Variants in PLA2G4E observed in about 807,000 individuals in gnomAD.
PLA2G4E encodes the protein cytosolic phospholipase A2 epsilon.
A neutral mutation model predicts 109.1 loss-of-function variants in PLA2G4E; 84 were observed. That is an observed-to-expected ratio of 0.77 (90% CI 0.65 to 0.92). The LOEUF (loss-of-function observed/expected upper bound fraction) is 0.92. Among genes scored for constraint, PLA2G4E ranks in the 40% least tolerant of loss-of-function variants. PLA2G4E has a pLI of 0.00. For missense variants in PLA2G4E, 1,057 were observed against 1,076.6 expected (o/e 0.98, Z 0.25); for synonymous variants, 469 against 436.1 (o/e 1.08, Z -0.94).
chr15:42,015,979 G>A (rs1483530381), intron 1 of PLA2G4E, among the ~76,000 whole-genome samples: 3 of 152,138 alleles, frequency 2.0e-5, no homozygotes, highest in Non-Finnish European at 4.4e-5. Context: ...AAGAGTTTTT[G>A]TTGTCGTCCA....
At chr15:41,999,877 G>C (rs938152203) in intron 9 of PLA2G4E, 40 bp downstream of exon 9, 49 of 1,552,570 alleles carry the variant, frequency 3.2e-5, no homozygotes, top group Non-Finnish European at 4.1e-5. Context: ...GAGCTCCAGG[G>C]GAAGTAAGTC....
At position 41,999,591 on chromosome 15, in the gene PLA2G4E, G is replaced by A; in HGVS notation, c.937-30C>T. 1.9e-6 allele frequency: 3 copies of A among 1,608,678 alleles called. No homozygotes were observed. The South Asian group carries it at 3.3e-5, about 18-fold the overall frequency. ...GGAGGGAAAGATGAAAAGCTTGTCA[G>A]AGGTGACAATTCAGAGCCAAGTGAT... On this transcript the variant is annotated intron_variant, in intron 9 of 19. Transcript: ENST00000399518.
rs540368176 is a variant in PLA2G4E, at chr15:42,046,911, A to G, written c.183+3610T>C. Among the ~76,000 whole-genome samples the G allele has an allele frequency of 2.0e-5, 3 of 152,294 alleles. No individual in the cohort carries two copies. In the East Asian group the frequency reaches 5.8e-4, roughly 29 times the overall value. On this transcript the variant is annotated intron_variant, in intron 1 of 19. Coordinates refer to ENST00000399518, the Ensembl canonical transcript of PLA2G4E. Reference sequence around the variant, plus strand: ...AATCTGATAAGCTGATATTTGCTTTAGGGTTACTGGATGACAATATGCTAC... The same window carrying G: ...AATCTGATAAGCTGATATTTGCTTTGGGGTTACTGGATGACAATATGCTAC...
At chr15:41,984,292 G>A (rs77513142) in intron 19 of PLA2G4E, 144 bp downstream of exon 19, 38 of 819,496 alleles carry the variant, frequency 4.6e-5, no homozygotes, top group African/African-American at 1.0e-4. Flanking sequence ...AATGGGAGGC[G>A]CCCTTCTTTG....
In PLA2G4E at chr15:41,995,395, A is replaced by T. The variant is rs1384628276; in HGVS notation, c.1212T>A (p.Cys404Ter). ...CTGATAGACCGGTGATGTAGCTGGCACAGTCCAGGAGGTTCAGCTTCTGCA... is the reference window on the plus strand; with the variant it reads ...CTGATAGACCGGTGATGTAGCTGGCTCAGTCCAGGAGGTTCAGCTTCTGCA... Residue 404 changes from cysteine to a stop codon, truncating the protein, a stop_gained, in exon 12 of 20, where the codon TGT becomes TGA. Coordinates refer to ENST00000399518, the Ensembl canonical transcript of PLA2G4E. LOFTEE classifies it high-confidence loss of function. 2 of 1,613,636 alleles carry T rather than the reference A, an allele frequency of 1.2e-6. No homozygotes were observed. Among genetic ancestry groups the T allele is most frequent in the Non-Finnish European group, 1.7e-6 (2 of 1,179,590 alleles).
At chr15:42,047,490 G>C (rs1889435477) in intron 1 of PLA2G4E, among the ~76,000 whole-genome samples, 1 of 152,200 alleles carries the variant, frequency 6.6e-6, no homozygotes, top group East Asian at 1.9e-4. Flanking sequence ...GAGGGCAGCA[G>C]CCTCATGACC....
At chr15:42,050,634 T>A in exon 1 of PLA2G4E, 1 of 1,550,626 alleles carries the variant, frequency 6.4e-7, no homozygotes, top group Non-Finnish European at 8.7e-7. Flanking sequence ...TCTTCATCCG[T>A]TTGTGGGCTC....
At chr15:42,012,514 G>A (rs553669957) in intron 2 of PLA2G4E, among the ~76,000 whole-genome samples, 1 of 152,266 alleles carries the variant, frequency 6.6e-6, no homozygotes, top group South Asian at 2.1e-4. Context: ...AGGTCAGCCA[G>A]GCAGGTGCTC....
intron 2 of PLA2G4E, 84 bp from the exon 3 acceptor site, chr15:42,007,949 A>G (rs1036274964): frequency 6.9e-7 from 1 of 1,441,878 alleles, no homozygotes; most frequent in Admixed American, 2.0e-5. Context: ...AGCCTCTTCC[A>G]GAGCCAGGCC....
intron 1 of PLA2G4E, among the ~76,000 whole-genome samples, chr15:42,049,859 C>T (rs1483303866): frequency 6.6e-6 from 1 of 152,214 alleles, no homozygotes; most frequent in Non-Finnish European, 1.5e-5. Flanking sequence ...CACACGCCCG[C>T]CCAGAGGAGA....
At chr15:42,034,157 G>A (rs183238021) in intron 1 of PLA2G4E, among the ~76,000 whole-genome samples, 31 of 152,296 alleles carry the variant, frequency 2.0e-4, no homozygotes, top group South Asian at 1.0e-3. Flanking sequence ...GGGTTTCCTG[G>A]GACTCAAGAC....
At chr15:42,033,472 G>T (rs913597343) in intron 1 of PLA2G4E, among the ~76,000 whole-genome samples, 1 of 151,378 alleles carries the variant, frequency 6.6e-6, no homozygotes, top group Non-Finnish European at 1.5e-5. Flanking sequence ...TCTGGGAGGG[G>T]CCCTGCCCAG....
At chr15:41,993,847 T>G (rs902575708) in intron 12 of PLA2G4E, among the ~76,000 whole-genome samples, 2 of 152,154 alleles carry the variant, frequency 1.3e-5, no homozygotes, top group African/African-American at 4.8e-5. Context: ...ACCCATTCAT[T>G]TTATACTTTA....
intron 1 of PLA2G4E, among the ~76,000 whole-genome samples, chr15:42,023,109 T>C (rs117904258): frequency 6.6e-6 from 1 of 151,764 alleles, no homozygotes; most frequent in African/African-American, 2.4e-5. Context: ...GTCTGTGCAG[T>C]GAGTTGTGTG....
At chr15:42,021,004 C>T (rs1366026122) in intron 1 of PLA2G4E, among the ~76,000 whole-genome samples, 1 of 151,750 alleles carries the variant, frequency 6.6e-6, no homozygotes, top group African/African-American at 2.4e-5. Context: ...AGTGGGAGAC[C>T]CTGGCGTGCA....
intron 1 of PLA2G4E, among the ~76,000 whole-genome samples, chr15:42,041,343 G>A (rs1448618270): frequency 6.6e-6 from 1 of 152,146 alleles, no homozygotes; most frequent in Non-Finnish European, 1.5e-5. Context: ...GTTGATGAAT[G>A]GAAATAGCAG....
At chr15:41,992,211 C>G (rs1430644677) in intron 13 of PLA2G4E, among the ~76,000 whole-genome samples, 2 of 152,168 alleles carry the variant, frequency 1.3e-5, no homozygotes, top group Non-Finnish European at 2.9e-5. Context: ...ACAGCTGAGT[C>G]TGTGCTGAGG....
chr15:42,016,222 G>A (rs887066285), intron 1 of PLA2G4E, among the ~76,000 whole-genome samples: 1 of 147,472 alleles, frequency 6.8e-6, no homozygotes, highest in Non-Finnish European at 1.5e-5. Flanking sequence ...ACCACTCAGA[G>A]ACCATCTTTT....
intron 1 of PLA2G4E, among the ~76,000 whole-genome samples, chr15:42,046,244 CAG>C (rs1889413632): frequency 1.3e-5 from 2 of 152,328 alleles, no homozygotes; most frequent in South Asian, 4.1e-4. Context: ...AAACATAAAA[CAG>C]ATCAAGTCAG....
Sources: allele counts gnomAD v4.1 joint callset (sites outside exome capture counted in the v4.1 genomes callset), GRCh38; gene constraint gnomAD v4.1.1; transcripts MANE v1.5; gene names NCBI Gene and HGNC (gene_info 2026-07-23, HGNC 2026-07-21).